Variants in SLAMF6 observed in about 807,000 individuals in gnomAD.
The protein encoded by SLAMF6 is NK-T-B-antigen.
In SLAMF6, 21 loss-of-function variants were observed where a neutral mutation model predicts 38.3. The ratio of observed to expected loss-of-function variants is 0.55; its 90% CI spans 0.39 to 0.79. The LOEUF (loss-of-function observed/expected upper bound fraction) is 0.79, where lower values mean the gene tolerates loss of function less well. Ranked by LOEUF, SLAMF6 falls within the 30% of genes least tolerant of loss-of-function variation. The pLI is 0.00. For missense variants in SLAMF6, 341 were observed against 385.3 expected, an observed-to-expected ratio of 0.89 and a Z score of 0.96; for synonymous variants, 152 against 146.3, an observed-to-expected ratio of 1.04 and a Z score of -0.28.
chr1:160,509,877 A>T (rs1177855666), intron 1 of SLAMF6, among the ~76,000 whole-genome samples: 4 of 152,160 alleles, frequency 2.6e-5, no homozygotes, highest in Non-Finnish European at 5.9e-5. Flanking sequence ...AGAATAAAAT[A>T]GAAAAGATTC....
In SLAMF6 at chr1:160,491,065, G is replaced by T. The variant is rs147248511; in HGVS notation, c.646+60C>A. 923 of 1,590,458 alleles carry T rather than the reference G, an allele frequency of 5.8e-4. 4 individuals carry two copies. The African/African-American group carries it at 0.011, about 19-fold the overall frequency. On this transcript the variant is annotated intron_variant, in intron 3 of 7. Coordinates refer to ENST00000368057, the MANE Select transcript of SLAMF6 (RefSeq NM_001184714.2). The stretch of plus-strand genomic sequence containing the variant: ...CACTGTATTGGAAATTACGTAGGAT[G>T]TGAGGACGCGTTAAACCCCATAGCT...
chr1:160,491,938 G>A (rs1202932538), intron 2 of SLAMF6, among the ~76,000 whole-genome samples: 1 of 152,160 alleles, frequency 6.6e-6, no homozygotes, highest in Non-Finnish European at 1.5e-5. Flanking sequence ...CTCCAATAGT[G>A]AGAAAGAGAC....
intron 1 of SLAMF6, among the ~76,000 whole-genome samples, chr1:160,511,047 A>C (rs1478198339): frequency 2.0e-5 from 3 of 152,216 alleles, no homozygotes; most frequent in African/African-American, 7.2e-5. Flanking sequence ...AAGATAATAC[A>C]CTGAAAACTA....
At chr1:160,500,713 T>C (rs913467667) in intron 1 of SLAMF6, among the ~76,000 whole-genome samples, 1 of 152,174 alleles carries the variant, frequency 6.6e-6, no homozygotes, top group Non-Finnish European at 1.5e-5. Flanking sequence ...ATTGTGAACA[T>C]TCTTGAACAG....
chr1:160,496,472 T>C (rs1444323174), intron 1 of SLAMF6, 79 bp from the exon 2 acceptor site: 2 of 1,413,136 alleles, frequency 1.4e-6, no homozygotes, highest in Non-Finnish European at 2.0e-6. Flanking sequence ...CACCTAACGC[T>C]GCCAGTCTGT....
Position 160,496,333 on chromosome 1 carries a change from G to C in SLAMF6, c.110C>G (p.Ser37Ter). Reference protein sequence around the residue: ...PLMVNGILGESVTLPLEFPAG... With the variant: ...PLMVNGILGE ...AGGAAACTCCAGGGGAAGAGTTACT[G>C]ACTCCCCCAGAATCCCGTTCACCAT... Residue 37 changes from serine (S) to a stop codon, truncating the protein, a stop_gained, in exon 2 of 8, where the codon TCA (serine) becomes TGA (stop). Transcript: ENST00000368057. LOFTEE classifies it high-confidence loss of function. The C allele has an allele frequency of 6.2e-7, 1 of 1,613,956 alleles. No homozygotes were observed. The highest frequency in any genetic ancestry group is 8.5e-7 in the Non-Finnish European group (1 of 1,179,892).
chr1:160,506,641 T>G (rs922154453), intron 1 of SLAMF6, among the ~76,000 whole-genome samples: 3 of 152,156 alleles, frequency 2.0e-5, no homozygotes, highest in Non-Finnish European at 4.4e-5. Context: ...TATTCTTGCA[T>G]TTTTGCTTTG....
chr1:160,494,276 G>T (rs532200271), intron 2 of SLAMF6, among the ~76,000 whole-genome samples: 92 of 152,300 alleles, frequency 6.0e-4, no homozygotes, highest in African/African-American at 2.1e-3. Context: ...TCAGCATTGA[G>T]CCTCAAGAGG....
rs1008220478 is a variant in SLAMF6, at chr1:160,509,010, G to A, written c.50-12617C>T. Among the ~76,000 whole-genome samples the A allele has an allele frequency of 3.9e-5, 6 of 152,306 alleles. No homozygotes were observed. In the East Asian group the frequency reaches 1.2e-3, roughly 29 times the overall value. The stretch of plus-strand genomic sequence containing the variant: ...ATTAAAAAGTCAGGAAACAACAGAT[G>A]CTGGAGAGGATATGGAGAAACAGGA... On this transcript the variant is annotated intron_variant, in intron 1 of 7. Transcript: ENST00000368057.
Position 160,491,234 on chromosome 1 carries a change from G to C in SLAMF6, c.537C>G (p.Leu179=). 1 of 1,614,102 alleles carries C rather than the reference G, an allele frequency of 6.2e-7. No individual in the cohort carries two copies. Among genetic ancestry groups the C allele is most frequent in the Admixed American group, 1.7e-5 (1 of 60,002 alleles). ...AAATCCTGGGGTCCCAGGAGACAGT[G>C]AGGTTTGGCTGACTTGAAAGTGTGT... The part of the protein sequence containing the change: ...LGNTLSSQPN[L]TVSWDPRISS... The change falls in exon 3 of 8, where the codon CTC becomes CTG. Residue 179 remains leucine, a synonymous_variant. Transcript: ENST00000368057.
At chr1:160,505,627 C>G (rs914369378) in intron 1 of SLAMF6, among the ~76,000 whole-genome samples, 1 of 152,060 alleles carries the variant, frequency 6.6e-6, no homozygotes, top group Non-Finnish European at 1.5e-5. Context: ...GGTTTGAACT[C>G]CTGGGCTCAA....
intron 3 of SLAMF6, 135 bp downstream of exon 3, chr1:160,490,990 C>T (rs796928714): frequency 2.6e-6 from 3 of 1,137,588 alleles, no homozygotes; most frequent in South Asian, 2.9e-5. Flanking sequence ...ATGCAGAGCT[C>T]CAGAGGGCAT....
chr1:160,494,611 C>T (rs2102024494), intron 2 of SLAMF6, among the ~76,000 whole-genome samples: 1 of 152,224 alleles, frequency 6.6e-6, no homozygotes, highest in East Asian at 1.9e-4. Context: ...TCCCCAAACC[C>T]AATGACAAAT....
intron 1 of SLAMF6, among the ~76,000 whole-genome samples, chr1:160,499,248 G>T (rs141612264): frequency 1.3e-5 from 2 of 152,116 alleles, no homozygotes; most frequent in Non-Finnish European, 2.9e-5. Flanking sequence ...ATGGTTAAAG[G>T]TAAGGGTCCA....
chr1:160,490,260 GAAA>G (rs758216006), intron 4 of SLAMF6, 24 bp from the exon 5 acceptor site: 1 of 1,613,090 alleles, frequency 6.2e-7, no homozygotes, highest in South Asian at 1.1e-5. Context: ...CCAGAAAATT[GAAA>G]TGTGTGACAG....
chr1:160,521,289 C>T (rs147294576), intron 1 of SLAMF6, among the ~76,000 whole-genome samples: 6 of 152,130 alleles, frequency 3.9e-5, no homozygotes, highest in Admixed American at 2.0e-4. Context: ...CCCATTTCCC[C>T]CATAAATGTG....
chr1:160,513,698 G>A (rs540068543), intron 1 of SLAMF6, among the ~76,000 whole-genome samples: 101 of 152,230 alleles, frequency 6.6e-4, no homozygotes, highest in African/African-American at 2.3e-3. Context: ...AGAGATTGGG[G>A]GTCAATATTC....
At chr1:160,495,500 C>CA (rs1332194513) in intron 2 of SLAMF6, among the ~76,000 whole-genome samples, 1 of 152,164 alleles carries the variant, frequency 6.6e-6, no homozygotes, top group African/African-American at 2.4e-5. Flanking sequence ...ATAACCTTGA[C>CA]AGAAAGGATG....
rs572291863 is a variant in SLAMF6 at position 160,499,345 on chromosome 1, C to T, written c.50-2952G>A. Among the ~76,000 whole-genome samples the T allele has an allele frequency of 3.3e-5, 5 of 152,164 alleles. No homozygotes were observed. In the South Asian group the frequency reaches 1.0e-3, roughly 32 times the overall value. ...TTTCCCCATTGCTCGCTTTTGTTGG[C>T]CTTGTCAAAAATCAGATGGTTGTAA... On this transcript the variant is annotated intron_variant, in intron 1 of 7. Transcript: ENST00000368057.
Sources: allele counts gnomAD v4.1 joint callset (sites outside exome capture counted in the v4.1 genomes callset), GRCh38; gene constraint gnomAD v4.1.1; transcripts MANE v1.5; gene names NCBI Gene and HGNC (gene_info 2026-07-23, HGNC 2026-07-21).